Variants in XKR4 observed in about 807,000 individuals in gnomAD.
XKR4 encodes the protein XK-related protein 4.
Under a neutral mutation model 53.9 loss-of-function variants are expected in XKR4, and 12 were observed. The observed-to-expected ratio is 0.22, with a 90% CI of 0.14 to 0.36. The LOEUF (loss-of-function observed/expected upper bound fraction) is 0.36, where lower values mean the gene tolerates loss of function less well. Among genes scored for constraint, XKR4 ranks in the 10% least tolerant of loss-of-function variants. The pLI is 1.00. For missense variants in XKR4, 799 were observed against 859.5 expected (o/e 0.93, Z 0.88); for synonymous variants, 354 against 362.4 (o/e 0.98, Z 0.26).
At chr8:55,523,235 G>T in intron 2 of XKR4, 46 bp from the exon 3 acceptor site, 8 of 1,507,892 alleles carry the variant, frequency 5.3e-6, no homozygotes, top group Non-Finnish European at 6.2e-6. Context: ...AGGGGGCATT[G>T]CTGCAACTGA....
At chr8:55,146,386 TG>T (rs1232496877) in intron 1 of XKR4, among the ~76,000 whole-genome samples, 1 of 152,100 alleles carries the variant, frequency 6.6e-6, no homozygotes, top group African/African-American at 2.4e-5. Flanking sequence ...TATAATGAGG[TG>T]GAAATTAGTT....
intron 2 of XKR4, chr8:55,450,005 G>A (rs1805409121): frequency 1.3e-6 from 1 of 787,500 alleles, no homozygotes; most frequent in Non-Finnish European, 2.2e-6. Context: ...GAGCAGCGGT[G>A]GTGAGGTGCG....
chr8:55,444,787 T>G (rs1410421450), intron 2 of XKR4, among the ~76,000 whole-genome samples: 1 of 152,220 alleles, frequency 6.6e-6, no homozygotes, highest in Non-Finnish European at 1.5e-5. Context: ...CATCATCTAT[T>G]AAAGTTTAAT....
intron 1 of XKR4, among the ~76,000 whole-genome samples, chr8:55,355,830 C>T (rs1006107235): frequency 1.9e-4 from 29 of 152,194 alleles, no homozygotes; most frequent in Admixed American, 5.2e-4. Flanking sequence ...TTTTCTGCAC[C>T]TGCACTTCCT....
intron 2 of XKR4, chr8:55,449,916 C>T: frequency 1.2e-6 from 1 of 867,064 alleles, no homozygotes; most frequent in Non-Finnish European, 1.9e-6. Flanking sequence ...CAGATGCGGT[C>T]GAGCCTCTAT....
At chr8:55,111,502 C>G (rs1465775098) in intron 1 of XKR4, among the ~76,000 whole-genome samples, 1 of 152,156 alleles carries the variant, frequency 6.6e-6, no homozygotes, top group Non-Finnish European at 1.5e-5. Flanking sequence ...AGTGTCTAAA[C>G]TCCCAGGAAC....
intron 2 of XKR4, among the ~76,000 whole-genome samples, chr8:55,447,953 A>G (rs1470960778): frequency 6.6e-6 from 1 of 152,206 alleles, no homozygotes; most frequent in Non-Finnish European, 1.5e-5. Flanking sequence ...AAATACTTTG[A>G]TATGATGTCA....
intron 2 of XKR4, among the ~76,000 whole-genome samples, chr8:55,366,174 C>A (rs1163372689): frequency 1.3e-5 from 2 of 152,184 alleles, no homozygotes; most frequent in Non-Finnish European, 2.9e-5. Flanking sequence ...TTCCAACCTC[C>A]CACCAGTGCC....
intron 1 of XKR4, among the ~76,000 whole-genome samples, chr8:55,343,404 G>A (rs1039645697): frequency 6.6e-6 from 1 of 152,122 alleles, no homozygotes; most frequent in Admixed American, 6.5e-5. Flanking sequence ...CACAGGCATG[G>A]GCAGGCTGTT....
Position 55,259,074 on chromosome 8 carries a change from T to A in XKR4, c.807-98604T>A, listed in dbSNP as rs1285765146. Among the ~76,000 whole-genome samples, 3 of 152,196 alleles carry A rather than the reference T, an allele frequency of 2.0e-5. No individual in the cohort carries two copies. The East Asian group carries it at 5.8e-4, about 29-fold the overall frequency. On this transcript the variant is annotated intron_variant, in intron 1 of 2. Coordinates refer to ENST00000327381, the MANE Select transcript of XKR4 (RefSeq NM_052898.2). ...TGCAGGGAAAATGCCTGGGACTCTT[T>A]AAGCCACCATGTTCTACAACACAGT... is the stretch of plus-strand genomic sequence containing the variant.
intron 2 of XKR4, among the ~76,000 whole-genome samples, chr8:55,469,502 T>G (rs1280068199): frequency 1.3e-5 from 2 of 152,138 alleles, no homozygotes; most frequent in Non-Finnish European, 2.9e-5. Context: ...CTGTAAATGT[T>G]GGGATATTGA....
chr8:55,361,867 T>C (rs751168481), intron 2 of XKR4, among the ~76,000 whole-genome samples: 8 of 152,162 alleles, frequency 5.3e-5, no homozygotes, highest in Non-Finnish European at 8.8e-5. Context: ...ACTCTTAGCC[T>C]GTCTAGTTCT....
At chr8:55,168,135 G>T (rs1410751923) in intron 1 of XKR4, among the ~76,000 whole-genome samples, 1 of 152,156 alleles carries the variant, frequency 6.6e-6, no homozygotes, top group Non-Finnish European at 1.5e-5. Flanking sequence ...AAAGTCTGTT[G>T]TTCTAAATGA....
intron 1 of XKR4, among the ~76,000 whole-genome samples, chr8:55,169,962 C>A (rs1412409257): frequency 6.6e-6 from 1 of 152,134 alleles, no homozygotes; most frequent in African/African-American, 2.4e-5. Context: ...TTTTATTAAT[C>A]TGCCATTTTA....
intron 1 of XKR4, among the ~76,000 whole-genome samples, chr8:55,260,446 T>C (rs1036176671): frequency 1.3e-5 from 2 of 152,208 alleles, no homozygotes; most frequent in African/African-American, 4.8e-5. Flanking sequence ...ACTGAAGCAG[T>C]ATTGTTGTCT....
At chr8:55,505,634 C>T (rs1806516260) in intron 2 of XKR4, among the ~76,000 whole-genome samples, 1 of 152,200 alleles carries the variant, frequency 6.6e-6, no homozygotes, top group South Asian at 2.1e-4. Context: ...AGATTTCCCT[C>T]TGCTATTTAT....
At chr8:55,200,016 C>G (rs191042734) in intron 1 of XKR4, among the ~76,000 whole-genome samples, 1 of 152,290 alleles carries the variant, frequency 6.6e-6, no homozygotes, top group East Asian at 1.9e-4. Flanking sequence ...CAACTCCAAA[C>G]TGCATCACTA....
intron 2 of XKR4, among the ~76,000 whole-genome samples, chr8:55,472,870 G>A (rs1023815188): frequency 1.3e-5 from 2 of 152,070 alleles, no homozygotes; most frequent in African/African-American, 4.8e-5. Flanking sequence ...GGTTACAGAA[G>A]CGTTGTCTTA....
chr8:55,412,675 C>A (rs1266076543), intron 2 of XKR4, among the ~76,000 whole-genome samples: 1 of 152,222 alleles, frequency 6.6e-6, no homozygotes, highest in Non-Finnish European at 1.5e-5. Flanking sequence ...TACCTTCTTG[C>A]TAGTCAGCCT....
Sources: gnomAD v4.1 joint callset for allele counts (sites outside exome capture counted in the v4.1 genomes callset) on GRCh38, gnomAD v4.1.1 for gene constraint, MANE v1.5 for transcripts, NCBI Gene and HGNC (gene_info 2026-07-23, HGNC 2026-07-21) for gene names.